STN1: variants seen among roughly 807,000 people sequenced by gnomAD.
The protein encoded by STN1 is CST complex subunit STN1.
STN1 carries 29 observed loss-of-function variants against 45.5 expected under a neutral mutation model. That is an observed-to-expected ratio of 0.64 (90% CI 0.47 to 0.87). The LOEUF is 0.87. Ranked by LOEUF, STN1 falls within the 40% of genes least tolerant of loss-of-function variation. The probability of loss-of-function intolerance (pLI) is 0.00; values close to 1 mark genes in which losing one functional copy is unlikely to be tolerated. For synonymous variants in STN1, 148 were observed against 159.0 expected (o/e 0.93, Z 0.52); for missense variants, 376 against 441.4 (o/e 0.85, Z 1.33).
At chr10:103,914,372 A>ATTT (rs1564636185) in intron 2 of STN1, among the ~76,000 whole-genome samples, 38 of 82,638 alleles carry the variant, frequency 4.6e-4, no homozygotes, top group Non-Finnish European at 5.8e-4. Flanking sequence ...ATATATATAT[A>ATTT]TATTTTTTTT....
At position 103,909,490 on chromosome 10, in the gene STN1, G is replaced by GTATATATATA. The variant is rs1564635131; in HGVS notation, c.229+1036_229+1037insTATATATATA. Among the ~76,000 whole-genome samples, 18 of 31,620 alleles carry GTATATATATA rather than the reference G, an allele frequency of 5.7e-4. 3 individuals carry two copies. The highest frequency in any genetic ancestry group is 1.4e-3 in the Non-Finnish European group (17 of 12,142). The allele number at this position is 31,620 out of a possible 152,430, so 20.7% of individuals were successfully genotyped here. A position where few individuals can be genotyped will look rare whatever the true frequency, so the allele number is the denominator to read the frequency against. ...TATATGTATATATGTATATATATGT[G>GTATATATATA]TGTGTGTATATGTATATATGTATAT... On this transcript the variant is annotated intron_variant, in intron 3 of 9. Coordinates refer to ENST00000224950, the MANE Select transcript of STN1 (RefSeq NM_024928.5).
chr10:103,903,368 T>C (rs1319760853), intron 4 of STN1, among the ~76,000 whole-genome samples: 1 of 152,210 alleles, frequency 6.6e-6, no homozygotes, highest in Admixed American at 6.5e-5. Flanking sequence ...CTGCAAATGA[T>C]TTTAATACTG....
At chr10:103,910,143 T>G (rs988895030) in intron 3 of STN1, among the ~76,000 whole-genome samples, 5 of 152,200 alleles carry the variant, frequency 3.3e-5, no homozygotes, top group African/African-American at 9.7e-5. Context: ...AGAATCTACT[T>G]TAACATTAAT....
intron 6 of STN1, chr10:103,898,300 C>G (rs150046989): frequency 1.1e-3 from 173 of 153,122 alleles, no homozygotes; most frequent in Admixed American, 2.5e-3. Flanking sequence ...TACCGGTTCT[C>G]TGTGTCTCCT....
chr10:103,900,348 GTTCTACTGTTGGAAATCCACATAACCTT>G, intron 4 of STN1, 125 bp from the exon 5 acceptor site: 1 of 908,054 alleles, frequency 1.1e-6, no homozygotes, highest in South Asian at 1.8e-5. Flanking sequence ...CTGAGTAATT[GTTCTACTGTTGGAAATCCACATAACCTT>G]TTGGAGTACT....
intron 2 of STN1, among the ~76,000 whole-genome samples, chr10:103,913,969 G>A (rs1023570420): frequency 3.3e-5 from 5 of 152,058 alleles, no homozygotes; most frequent in Non-Finnish European, 5.9e-5. Flanking sequence ...AGGTTGACTC[G>A]GATTTCAAGC....
chr10:103,889,201 T>C, intron 8 of STN1, 57 bp from the exon 9 acceptor site: 1 of 1,068,560 alleles, frequency 9.4e-7, no homozygotes, highest in East Asian at 2.4e-5. Context: ...AGCAGTTGTG[T>C]CATCCAGACT....
At chr10:103,893,020 C>T (rs1165274658) in intron 7 of STN1, among the ~76,000 whole-genome samples, 1 of 152,214 alleles carries the variant, frequency 6.6e-6, no homozygotes, top group East Asian at 1.9e-4. Flanking sequence ...CACCTCCTCC[C>T]TAGCACACGT....
chr10:103,909,408 G>GTATATATGTA (rs1843268723), intron 3 of STN1, among the ~76,000 whole-genome samples: 1 of 46,630 alleles, frequency 2.1e-5, no homozygotes, highest in African/African-American at 7.4e-5. Context: ...GTATATATAT[G>GTATATATGTA]TATATATGTA....
chr10:103,901,184 T>G (rs915718419), intron 4 of STN1, among the ~76,000 whole-genome samples: 2 of 152,170 alleles, frequency 1.3e-5, no homozygotes, highest in Non-Finnish European at 2.9e-5. Flanking sequence ...TGTAAAAGAC[T>G]ATGTATTCTG....
intron 9 of STN1, among the ~76,000 whole-genome samples, chr10:103,887,119 AGG>A (rs1843108438): frequency 3.9e-5 from 6 of 152,372 alleles, no homozygotes; most frequent in Admixed American, 3.9e-4. Flanking sequence ...AAGGAACTAA[AGG>A]CCCAGTAGGT....
intron 8 of STN1, among the ~76,000 whole-genome samples, chr10:103,891,104 C>T (rs900141153): frequency 5.3e-5 from 8 of 152,186 alleles, no homozygotes; most frequent in South Asian, 2.1e-4. Flanking sequence ...ATGGCCATGC[C>T]CTCTGCTCCA....
In STN1 at chr10:103,882,796, C is replaced by A. The variant is rs770464178; in HGVS notation, c.995G>T (p.Arg332Leu). 2 of 1,614,060 alleles carry A rather than the reference C, an allele frequency of 1.2e-6. No individual in the cohort carries two copies. Among genetic ancestry groups the A allele is most frequent in the South Asian group, 1.1e-5 (1 of 91,070 alleles). ...CHFLHILACA[R>L]LSIRPGLSEA... ...GCTCAGGCCCGGGCGGATGCTCAGGCGAGCACAGGCCAAGATGTGCAGGAA... is the reference window on the plus strand; with the variant it reads ...GCTCAGGCCCGGGCGGATGCTCAGGAGAGCACAGGCCAAGATGTGCAGGAA... The change falls in exon 10 of 10, where the codon CGC becomes CTC. Residue 332 changes from arginine to leucine, a missense_variant. Arg to Leu is a moderately radical substitution (Grantham distance 102). Coordinates refer to ENST00000224950, the MANE Select transcript of STN1 (RefSeq NM_024928.5).
intron 3 of STN1, among the ~76,000 whole-genome samples, chr10:103,906,319 T>A (rs1334258897): frequency 2.0e-5 from 3 of 152,156 alleles, no homozygotes; most frequent in African/African-American, 7.2e-5. Flanking sequence ...AAACTAATAC[T>A]GGATAGCAAT....
intron 7 of STN1, among the ~76,000 whole-genome samples, chr10:103,897,339 A>C (rs1843177218): frequency 6.6e-6 from 1 of 151,270 alleles, no homozygotes; most frequent in Non-Finnish European, 1.5e-5. Flanking sequence ...GGTAAGGAGG[A>C]AGAAGGGGCA....
At chr10:103,911,090 T>TAA (rs552320372) in intron 2 of STN1, among the ~76,000 whole-genome samples, 90 of 149,806 alleles carry the variant, frequency 6.0e-4, no homozygotes, top group African/African-American at 2.1e-3. Flanking sequence ...GCATTTTTTT[T>TAA]AAAAAAAAAC....
At chr10:103,886,399 A>AT (rs11405900) in intron 9 of STN1, among the ~76,000 whole-genome samples, 68,859 of 148,498 alleles carry the variant, frequency 0.46, 16,277 homozygotes, top group East Asian at 0.57. Flanking sequence ...CAGTCTTTTA[A>AT]TTTTTTTTTT....
At chr10:103,907,685 AATTTT>A (rs1446220488) in intron 3 of STN1, among the ~76,000 whole-genome samples, 3 of 152,182 alleles carry the variant, frequency 2.0e-5, no homozygotes. Flanking sequence ...TCTAGTTTGA[AATTTT>A]ATTTTATAAT....
At chr10:103,887,579 A>C (rs1331619449) in intron 9 of STN1, among the ~76,000 whole-genome samples, 1 of 152,176 alleles carries the variant, frequency 6.6e-6, no homozygotes, top group East Asian at 1.9e-4. Flanking sequence ...AGGTTCCAAC[A>C]CAGTCCTTAT....
Sources: allele counts gnomAD v4.1 joint callset (sites outside exome capture counted in the v4.1 genomes callset), GRCh38; gene constraint gnomAD v4.1.1; transcripts MANE v1.5; gene names NCBI Gene and HGNC (gene_info 2026-07-23, HGNC 2026-07-21).